DPP6: variants seen among roughly 807,000 people sequenced by gnomAD.
DPP6 encodes the protein A-type potassium channel modulatory protein DPP6.
A neutral mutation model predicts 122.6 loss-of-function variants in DPP6; 69 were observed. The observed-to-expected ratio is 0.56, with a 90% CI of 0.46 to 0.69. The LOEUF (loss-of-function observed/expected upper bound fraction) is 0.69. DPP6 is among the 30% of genes least tolerant of loss of function. The probability of loss-of-function intolerance (pLI) is 0.00; values close to 1 mark genes in which losing one functional copy is unlikely to be tolerated. For missense variants in DPP6, 928 were observed against 1,116.9 expected (o/e 0.83, Z 2.41); for synonymous variants, 418 against 433.1 (o/e 0.97, Z 0.43).
In DPP6 at chr7:154,463,195, C is replaced by CTTTTTTTTTTT. The variant is rs368362408; in HGVS notation, c.359-11724_359-11714dup. 1.0e-3 allele frequency among the ~76,000 whole-genome samples: 85 copies of CTTTTTTTTTTT among 84,128 alleles called. 7 individuals are homozygous for CTTTTTTTTTTT. The highest frequency in any genetic ancestry group is 6.7e-3 in the East Asian group (20 of 2,998). 55.2% of individuals were successfully genotyped at this position (84,128 alleles called of 152,430 possible). A position where few individuals can be genotyped will look rare whatever the true frequency, so the allele number is the denominator to read the frequency against. ...GCTTTTTACCTTTACTTCTCCTTTT[C>CTTTTTTTTTTT]TTTTTTTTTTTTTTTTTTTTTTTTT... On this transcript the variant is annotated intron_variant, in intron 2 of 25. Coordinates refer to ENST00000377770, the MANE Select transcript of DPP6 (RefSeq NM_130797.4).
At chr7:154,539,195 C>G (rs1169000542) in intron 3 of DPP6, among the ~76,000 whole-genome samples, 1 of 152,206 alleles carries the variant, frequency 6.6e-6, no homozygotes, top group Non-Finnish European at 1.5e-5. Flanking sequence ...CTTCTCCCCA[C>G]TGTGGGCCCT....
In DPP6 at chr7:154,789,613, C is replaced by T. The variant is rs191154151; in HGVS notation, c.1137-4466C>T. On this transcript the variant is annotated intron_variant, in intron 10 of 25. Coordinates refer to ENST00000377770, the MANE Select transcript of DPP6 (RefSeq NM_130797.4). ...TAACACAAAGTTAGTAAAGGTCTCC[C>T]TCTGCCGGCCAGGCACCACTGCTTG... is the stretch of plus-strand genomic sequence containing the variant. 7.2e-5 allele frequency among the ~76,000 whole-genome samples: 11 copies of T among 152,348 alleles called. 1 individual carries two copies. The highest frequency in any genetic ancestry group is 4.6e-4 in the Admixed American group (7 of 15,306).
intron 3 of DPP6, among the ~76,000 whole-genome samples, chr7:154,514,568 C>G (rs897738124): frequency 3.9e-5 from 6 of 152,144 alleles, no homozygotes; most frequent in Non-Finnish European, 2.9e-5. Flanking sequence ...GCCCCTGCAC[C>G]CACCATTCTA....
the DPP6 span, among the ~76,000 whole-genome samples, chr7:153,751,667 G>C: frequency 6.6e-6 from 1 of 152,142 alleles, no homozygotes; most frequent in East Asian, 1.9e-4. Flanking sequence ...ATTCACTCTT[G>C]AGCAAAGAAT....
the DPP6 span, among the ~76,000 whole-genome samples, chr7:153,804,852 C>T: frequency 1.3e-5 from 2 of 151,982 alleles, no homozygotes; most frequent in Non-Finnish European, 2.9e-5. Flanking sequence ...CCATTGCACT[C>T]CAGCCTGGGC....
intron 7 of DPP6, among the ~76,000 whole-genome samples, chr7:154,687,650 T>G (rs1839697866): frequency 6.6e-6 from 1 of 152,224 alleles, no homozygotes; most frequent in Non-Finnish European, 1.5e-5. Flanking sequence ...ACAGCCTGTC[T>G]TTTCACTCTT....
chr7:153,975,932 T>C (rs1393468313), intron 1 of DPP6, among the ~76,000 whole-genome samples: 5 of 152,208 alleles, frequency 3.3e-5, no homozygotes, highest in Non-Finnish European at 7.3e-5. Context: ...CTATTTCACA[T>C]GGTTATTATT....
chr7:154,021,582 G>T (rs189445888), intron 1 of DPP6, among the ~76,000 whole-genome samples: 2 of 152,260 alleles, frequency 1.3e-5, no homozygotes, highest in Admixed American at 6.5e-5. Context: ...CCAAACGAGG[G>T]CCAGTTATCC....
intron 1 of DPP6, among the ~76,000 whole-genome samples, chr7:154,090,575 A>G (rs1368012070): frequency 1.3e-5 from 2 of 152,190 alleles, no homozygotes; most frequent in Non-Finnish European, 2.9e-5. Flanking sequence ...TTTTGGGAAT[A>G]CAAAGCCACC....
intron 1 of DPP6, among the ~76,000 whole-genome samples, chr7:153,905,312 G>A (rs1036942378): frequency 6.6e-6 from 1 of 152,110 alleles, no homozygotes; most frequent in African/African-American, 2.4e-5. Flanking sequence ...GGCCAGCCTC[G>A]GGAGAAAATG....
At position 154,355,635 on chromosome 7, in the gene DPP6, A is replaced by G. The variant is rs938376889; in HGVS notation, c.244-90579A>G. Among the ~76,000 whole-genome samples the G allele has an allele frequency of 3.3e-5, 5 of 152,104 alleles. No individual in the cohort carries two copies. The South Asian group carries it at 6.2e-4, about 19-fold the overall frequency. ...GTGAAGACACCATGCTTTCCCCCAC[A>G]TTACTGCTGTGAAACATTTGTGAGA... On this transcript the variant is annotated intron_variant, in intron 1 of 25. Transcript: ENST00000377770.
At chr7:154,054,501 C>T (rs1183287062) in intron 1 of DPP6, among the ~76,000 whole-genome samples, 1 of 152,154 alleles carries the variant, frequency 6.6e-6, no homozygotes, top group East Asian at 1.9e-4. Context: ...TACACACCCC[C>T]TACAGCCCTG....
At chr7:154,501,992 A>G (rs1825293990) in intron 3 of DPP6, among the ~76,000 whole-genome samples, 1 of 152,170 alleles carries the variant, frequency 6.6e-6, no homozygotes, top group Non-Finnish European at 1.5e-5. Context: ...CATCAACATG[A>G]CCGAAATGTG....
chr7:153,803,474 C>T, the DPP6 span, among the ~76,000 whole-genome samples: 8 of 151,906 alleles, frequency 5.3e-5, no homozygotes, highest in East Asian at 3.9e-4. Flanking sequence ...CCTGCCTGAA[C>T]GGGGATGCTT....
the DPP6 span, among the ~76,000 whole-genome samples, chr7:153,842,364 C>G: frequency 6.6e-6 from 1 of 152,114 alleles, no homozygotes; most frequent in Admixed American, 6.5e-5. Context: ...CTACAATAAT[C>G]AATAATTAAT....
At chr7:154,245,547 A>T (rs2150884371) in intron 1 of DPP6, among the ~76,000 whole-genome samples, 1 of 150,332 alleles carries the variant, frequency 6.7e-6, no homozygotes, top group South Asian at 2.1e-4. Flanking sequence ...GAGGCAGGAG[A>T]ATTGTTTGAA....
At chr7:153,846,351 T>C in the DPP6 span, among the ~76,000 whole-genome samples, 2 of 152,228 alleles carry the variant, frequency 1.3e-5, no homozygotes, top group African/African-American at 2.4e-5. Flanking sequence ...AAATTATTTA[T>C]GTATTCTGGA....
intron 6 of DPP6, among the ~76,000 whole-genome samples, chr7:154,645,584 T>C (rs1836412827): frequency 6.6e-6 from 1 of 152,192 alleles, no homozygotes; most frequent in Admixed American, 6.5e-5. Context: ...TCGTTTCTAC[T>C]TGTGTAGTCA....
At chr7:154,237,322 A>G (rs1801281363) in intron 1 of DPP6, among the ~76,000 whole-genome samples, 1 of 152,230 alleles carries the variant, frequency 6.6e-6, no homozygotes, top group African/African-American at 2.4e-5. Flanking sequence ...GAACCAAACC[A>G]CTTTAAGGTA....
Sources: allele counts gnomAD v4.1 joint callset (sites outside exome capture counted in the v4.1 genomes callset), GRCh38; gene constraint gnomAD v4.1.1; transcripts MANE v1.5; gene names NCBI Gene and HGNC (gene_info 2026-07-23, HGNC 2026-07-21).